CD46: variants seen among roughly 807,000 people sequenced by gnomAD.
CD46 encodes membrane cofactor protein.
A neutral mutation model predicts 53.3 loss-of-function variants in CD46; 30 were observed. That is an observed-to-expected ratio of 0.56 (90% confidence interval 0.42 to 0.76). The LOEUF (loss-of-function observed/expected upper bound fraction) is 0.76, where lower values mean the gene tolerates loss of function less well. Ranked by LOEUF, CD46 falls within the 30% of genes least tolerant of loss-of-function variation. CD46 has a pLI of 0.00. For missense variants in CD46, 409 were observed against 463.0 expected (o/e 0.88, Z 1.07); for synonymous variants, 142 against 152.0 (o/e 0.93, Z 0.48).
In CD46 at chr1:207,757,215, A is replaced by G. The variant is rs764538717; in HGVS notation, c.286+13A>G. On this transcript the variant is annotated intron_variant, in intron 2 of 12. Coordinates refer to ENST00000367042, the MANE Select transcript of CD46 (RefSeq NM_172351.3). The stretch of plus-strand genomic sequence containing the variant: ...GACGCCTGTTATAGTAAGTAAACAA[A>G]CCTCTTTTTTTTTTCTGCTTGCTCT... 5 of 1,600,302 alleles carry G rather than the reference A, an allele frequency of 3.1e-6. No homozygotes were observed. In the African/African-American group the frequency reaches 6.8e-5, roughly 22 times the overall value.
intron 9 of CD46, chr1:207,783,558 T>G: frequency 2.4e-6 from 1 of 415,076 alleles, no homozygotes; most frequent in Non-Finnish European, 4.4e-6. Context: ...ATTCATATCT[T>G]ATATACATGA....
rs750997386 is a variant in CD46, at chr1:207,793,530, G to T, written c.*53G>T. 2 of 1,613,342 alleles carry T rather than the reference G, an allele frequency of 1.2e-6. No homozygotes were observed. The highest frequency in any genetic ancestry group is 1.7e-6 in the Non-Finnish European group (2 of 1,179,420). On this transcript the variant is annotated 3_prime_UTR_variant, in exon 13 of 13. Transcript: ENST00000367042. Reference sequence around the variant, plus strand: ...ACCTTGGTTTGCAGGAAAGCAGATGGTGGAGCTGAATATGCCACTTACCAG... The same window carrying T: ...ACCTTGGTTTGCAGGAAAGCAGATGTTGGAGCTGAATATGCCACTTACCAG...
At chr1:207,753,031 C>T (rs1351090235) in intron 1 of CD46, among the ~76,000 whole-genome samples, 1 of 150,626 alleles carries the variant, frequency 6.6e-6, no homozygotes, top group Non-Finnish European at 1.5e-5. Flanking sequence ...TGAACAGTCT[C>T]CGTGTTACCT....
chr1:207,768,666 A>G (rs1449141872), intron 7 of CD46: 1 of 152,200 alleles, frequency 6.6e-6, no homozygotes, highest in African/African-American at 2.4e-5. Context: ...CACTGTGCTT[A>G]TGACTGGAGA....
chr1:207,788,905 C>CA (rs1323792923), intron 11 of CD46, among the ~76,000 whole-genome samples: 1 of 152,200 alleles, frequency 6.6e-6, no homozygotes, highest in Non-Finnish European at 1.5e-5. Flanking sequence ...TGCCACTTTT[C>CA]TGTTTCATAG....
At chr1:207,773,606 G>C (rs934273665) in intron 8 of CD46, among the ~76,000 whole-genome samples, 15 of 152,112 alleles carry the variant, frequency 9.9e-5, no homozygotes, top group African/African-American at 3.6e-4. Context: ...CTTTGTTCTC[G>C]TTGGTTTTAA....
At chr1:207,753,423 G>A (rs193082381) in intron 1 of CD46, among the ~76,000 whole-genome samples, 3 of 152,188 alleles carry the variant, frequency 2.0e-5, no homozygotes, top group Non-Finnish European at 4.4e-5. Flanking sequence ...TGATCCCAGC[G>A]CTTTGGGAGG....
At chr1:207,779,273 T>C (rs529828623) in intron 8 of CD46, among the ~76,000 whole-genome samples, 1 of 152,298 alleles carries the variant, frequency 6.6e-6, no homozygotes, top group East Asian at 1.9e-4. Context: ...GGATGCCCTC[T>C]GTTTCTTTCT....
At chr1:207,761,546 C>A in intron 5 of CD46, 100 bp downstream of exon 5, 2 of 909,460 alleles carry the variant, frequency 2.2e-6, no homozygotes, top group East Asian at 2.5e-5. Context: ...TATGTGCTTC[C>A]TCCTCCTGTA....
chr1:207,757,616 T>C lies in CD46; in HGVS notation c.363T>C (p.Tyr121=). 6.2e-7 allele frequency: 1 copy of C among 1,609,420 alleles called. No homozygotes were observed. The highest frequency in any genetic ancestry group is 8.5e-7 in the Non-Finnish European group (1 of 1,176,660). ...CAAATGGGACTTACGAGTTTGGTTA[T>C]CAGATGCACTTTATTTGTAATGAGG... ...VPANGTYEFG[Y]QMHFICNEGY... is the part of the protein sequence containing the mutation. The change falls in exon 3 of 13, where the codon TAT becomes TAC. Residue 121 remains tyrosine, a synonymous_variant. Transcript: ENST00000367042.
At chr1:207,769,312 G>C (rs1657207167) in intron 7 of CD46, 2 of 152,208 alleles carry the variant, frequency 1.3e-5, no homozygotes, top group African/African-American at 2.4e-5. Context: ...GTAGCCTCCT[G>C]AGTTGAGTGC....
chr1:207,752,407 G>A lies in CD46; in HGVS notation c.97+98G>A. The A allele has an allele frequency of 8.6e-7, 1 of 1,156,418 alleles. No individual in the cohort carries two copies. The highest frequency in any genetic ancestry group is 1.3e-6 in the Non-Finnish European group (1 of 770,320). The allele number at this position is 1,156,418 out of a possible 1,614,324, so 71.6% of individuals were successfully genotyped here. A position where few individuals can be genotyped will look rare whatever the true frequency, so the allele number is the denominator to read the frequency against. On this transcript the variant is annotated intron_variant, in intron 1 of 12. Transcript: ENST00000367042. The surrounding 1 kb of genome is among the most constrained non-coding windows in gnomAD (Gnocchi z 4.1). The stretch of plus-strand genomic sequence containing the variant: ...GCGGGGCTCACAGCAGGCCGTGCCT[G>A]TTTGGGGACAGGGTTCTCTGAGGGG...
chr1:207,785,004 T>C, intron 9 of CD46, 67 bp from the exon 10 acceptor site: 3 of 1,319,472 alleles, frequency 2.3e-6, no homozygotes, highest in Non-Finnish European at 3.3e-6. Context: ...GTTTAGATGA[T>C]CTGATTGAAA....
intron 8 of CD46, among the ~76,000 whole-genome samples, chr1:207,780,496 T>G (rs955735155): frequency 5.3e-5 from 8 of 152,174 alleles, no homozygotes; most frequent in Admixed American, 3.9e-4. Flanking sequence ...CTATTTTGAG[T>G]AATGCTGTTA....
intron 1 of CD46, among the ~76,000 whole-genome samples, chr1:207,755,708 A>G (rs1013497750): frequency 1.3e-5 from 2 of 152,212 alleles, no homozygotes; most frequent in African/African-American, 4.8e-5. Flanking sequence ...TGGGCATACT[A>G]CAATGCAAAG....
chr1:207,787,151 A>G (rs1427201155), intron 11 of CD46, among the ~76,000 whole-genome samples: 1 of 152,054 alleles, frequency 6.6e-6, no homozygotes, highest in East Asian at 1.9e-4. Flanking sequence ...GGCTCGCTGC[A>G]ACCTTGGCCT....
Position 207,774,071 on chromosome 1 carries a change from A to T in CD46, c.943+3709A>T, listed in dbSNP as rs145030735. 3.4e-3 allele frequency among the ~76,000 whole-genome samples: 515 copies of T among 152,224 alleles called. 3 individuals carry two copies. Among genetic ancestry groups the T allele is most frequent in the African/African-American group, 0.012 (489 of 41,522 alleles). On this transcript the variant is annotated intron_variant, in intron 8 of 12. Coordinates refer to ENST00000367042, the MANE Select transcript of CD46 (RefSeq NM_172351.3). The stretch of plus-strand genomic sequence containing the variant: ...GCTTTATGAATCTGGGTGCTCCTGT[A>T]TTGGGTGCATATATATTTAGGATAG...
chr1:207,789,503 GT>G (rs1659587460), intron 11 of CD46, among the ~76,000 whole-genome samples: 1 of 152,116 alleles, frequency 6.6e-6, no homozygotes, highest in South Asian at 2.1e-4. Flanking sequence ...CTACAAAAAT[GT>G]TTTGTAATTA....
chr1:207,759,798 C>CT lies in CD46; in HGVS notation c.475+77dup. 3 of 780,122 alleles carry CT rather than the reference C, an allele frequency of 3.8e-6. No homozygotes were observed. The South Asian group carries it at 4.6e-5, about 12-fold the overall frequency. 48.3% of individuals were successfully genotyped at this position (780,122 alleles called of 1,614,324 possible). On this transcript the variant is annotated intron_variant, in intron 4 of 12. Transcript: ENST00000367042. The stretch of plus-strand genomic sequence containing the variant: ...TTTTGCCTCCTTTACACCCTTTACA[C>CT]TTTAAGATTAACAAAGATCCCAAAG...
Sources: allele counts gnomAD v4.1 joint callset (sites outside exome capture counted in the v4.1 genomes callset), GRCh38; gene constraint gnomAD v4.1.1; non-coding constraint Gnocchi (gnomAD v3.1); transcripts MANE v1.5; gene names NCBI Gene and HGNC (gene_info 2026-07-23, HGNC 2026-07-21).